GON4L: variants seen among roughly 807,000 people sequenced by gnomAD.
GON4L encodes GON-4-like protein.
A neutral mutation model predicts 211.8 loss-of-function variants in GON4L; 87 were observed. That is an observed-to-expected ratio of 0.41 (90% CI 0.35 to 0.49). GON4L has a LOEUF of 0.49. Ranked by LOEUF, GON4L falls within the 20% of genes least tolerant of loss-of-function variation. The pLI is 0.15. For missense variants in GON4L, 2,155 were observed against 2,659.5 expected, an observed-to-expected ratio of 0.81 and a Z score of 4.17; for synonymous variants, 875 against 962.6, an observed-to-expected ratio of 0.91 and a Z score of 1.68.
downstream of GON4L, chr1:155,746,874 G>A: frequency 1.9e-6 from 3 of 1,596,632 alleles, no homozygotes; most frequent in Non-Finnish European, 2.5e-6. Context: ...GTGCAGAGGT[G>A]AGGGCCTCTG....
intron 10 of GON4L, among the ~76,000 whole-genome samples, chr1:155,805,718 C>A (rs1012606389): frequency 4.7e-5 from 7 of 148,736 alleles, no homozygotes; most frequent in Non-Finnish European, 1.0e-4. Context: ...GAGACATAGT[C>A]TTGCTTTGTT....
chr1:155,777,761 A>G lies in GON4L; in HGVS notation c.1952T>C (p.Phe651Ser), dbSNP rs1198915054. 6.2e-7 allele frequency: 1 copy of G among 1,613,660 alleles called. No homozygotes were observed. Residue 651 changes from phenylalanine to serine, a missense_variant, in exon 15 of 32, where the codon TTT (phenylalanine) becomes TCT (serine). Physicochemically the swap from Phe to Ser is radical, Grantham distance 155. Around this residue, in one of 6 missense-constraint regions of GON4L, gnomAD observed 551 missense variants for 854.0 expected, o/e 0.65. Transcript: ENST00000368331. ...AGATTTCTTCATCTTCAGCTGTTCAAATAGCTCCTTCACTGTCCGATGTTG... is the reference window on the plus strand; with the variant it reads ...AGATTTCTTCATCTTCAGCTGTTCAGATAGCTCCTTCACTGTCCGATGTTG... Reference protein sequence around the residue: ...NEQHRTVKELFEQLKMKKSSA... With the variant: ...NEQHRTVKELSEQLKMKKSSA...
rs1426480179 is a variant in GON4L at position 155,777,683 on chromosome 1, A to T, written c.2030T>A (p.Val677Asp). ...TGGGTCCAGAATCAGAGTCTGATGAACTTTCTCACTCTGGGGTTTAACCTT... is the reference window on the plus strand; with the variant it reads ...TGGGTCCAGAATCAGAGTCTGATGATCTTTCTCACTCTGGGGTTTAACCTT... ...VEKVKPQSEK[V>D]HQTLILDPAQ... Residue 677 changes from valine (V) to aspartate (D), a missense_variant, in exon 15 of 32, where the codon GTT becomes GAT. Coordinates refer to ENST00000368331, the MANE Select transcript of GON4L (RefSeq NM_001282860.2). 1 of 1,613,714 alleles carries T rather than the reference A, an allele frequency of 6.2e-7. No homozygotes were observed. The highest frequency in any genetic ancestry group is 1.7e-5 in the Admixed American group (1 of 60,006).
chr1:155,752,048 C>A lies in GON4L; in HGVS notation c.6385G>T (p.Glu2129Ter). ...SGTQAKGPEG[E>*]QQPKAAEATV... ...GCTTCTGCGGCCTTTGGCTGCTGCTCCCCCTCTGGACCCTTGGCCTGTGTT... is the reference window on the plus strand; with the variant it reads ...GCTTCTGCGGCCTTTGGCTGCTGCTACCCCTCTGGACCCTTGGCCTGTGTT... Residue 2129 changes from glutamate to a stop codon, truncating the protein, a stop_gained, in exon 30 of 32, where the codon GAG becomes TAG. Coordinates refer to ENST00000368331, the MANE Select transcript of GON4L (RefSeq NM_001282860.2). LOFTEE classifies it high-confidence loss of function. 6.2e-7 allele frequency: 1 copy of A among 1,613,722 alleles called. No homozygotes were observed. Among genetic ancestry groups the A allele is most frequent in the Non-Finnish European group, 8.5e-7 (1 of 1,179,664 alleles).
chr1:155,856,068 G>A (rs145827818), intron 1 of GON4L, among the ~76,000 whole-genome samples: 118 of 148,568 alleles, frequency 7.9e-4, no homozygotes, highest in Middle Eastern at 3.5e-3. Flanking sequence ...AGAATAAGCC[G>A]CCTTGTGTTA....
Position 155,763,487 on chromosome 1 carries a change from A to C in GON4L, c.4551T>G (p.Ser1517=). The change falls in exon 22 of 32, where the codon TCT becomes TCG. Residue 1517 remains serine, a synonymous_variant. Coordinates refer to ENST00000368331, the MANE Select transcript of GON4L (RefSeq NM_001282860.2). Reference sequence around the variant, plus strand: ...CTTCTGGCTCAGAGTTCTCCTCCTGAGAATTCTCTTCTTCAGACTCACCCT... The same window carrying C: ...CTTCTGGCTCAGAGTTCTCCTCCTGCGAATTCTCTTCTTCAGACTCACCCT... The part of the protein sequence containing the change: ...SQEGESEEEN[S]QEENSEPEEE... 2 of 1,551,720 alleles carry C rather than the reference A, an allele frequency of 1.3e-6. No individual in the cohort carries two copies. Among genetic ancestry groups the C allele is most frequent in the Non-Finnish European group, 1.7e-6 (2 of 1,147,126 alleles).
intron 3 of GON4L, among the ~76,000 whole-genome samples, chr1:155,823,013 T>C (rs1379713659): frequency 2.0e-5 from 3 of 152,188 alleles, no homozygotes; most frequent in African/African-American, 4.8e-5. Context: ...CAGGCTGGTA[T>C]TGAACTCCCG....
chr1:155,849,269 G>A (rs1416132246), intron 2 of GON4L, among the ~76,000 whole-genome samples: 1 of 151,822 alleles, frequency 6.6e-6, no homozygotes, highest in Non-Finnish European at 1.5e-5. Context: ...AGCAGGGCTG[G>A]GCACGGTGGC....
At chr1:155,784,789 C>A in intron 13 of GON4L, 1 of 186,896 alleles carries the variant, frequency 5.4e-6, no homozygotes, top group Non-Finnish European at 1.1e-5. Flanking sequence ...TCTTTAAGGA[C>A]ACACCAAATG....
intron 12 of GON4L, among the ~76,000 whole-genome samples, chr1:155,785,912 T>C (rs1193559252): frequency 2.0e-5 from 3 of 152,052 alleles, no homozygotes; most frequent in Admixed American, 6.6e-5. Context: ...CTAGCTAACA[T>C]GGTGAAACCC....
intron 18 of GON4L, among the ~76,000 whole-genome samples, chr1:155,771,512 C>A (rs1388237900): frequency 6.6e-6 from 1 of 152,008 alleles, no homozygotes; most frequent in East Asian, 1.9e-4. Context: ...TGCTCTGTTG[C>A]CCGGGTTGGA....
chr1:155,807,566 T>G (rs1185863555), intron 10 of GON4L, among the ~76,000 whole-genome samples: 7 of 151,178 alleles, frequency 4.6e-5, no homozygotes, highest in African/African-American at 1.7e-4. Flanking sequence ...TAGCTGGGCA[T>G]GGTGGCAGGC....
chr1:155,752,148 A>G lies in GON4L; in HGVS notation c.6285T>C (p.His2095=), dbSNP rs1219408000. Residue 2095 remains histidine (H), a synonymous_variant, in exon 30 of 32, where the codon CAT becomes CAC. Coordinates refer to ENST00000368331, the MANE Select transcript of GON4L (RefSeq NM_001282860.2). ...AGGTGTCAATTCCTGATGGAGATTC[A>G]TGGACAGGGCACGTCCTGTCTCTTG... ...VKTRDRTCPV[H]ESPSGIDTSE... 4 of 1,613,338 alleles carry G rather than the reference A, an allele frequency of 2.5e-6. No individual in the cohort carries two copies. In the African/African-American group the frequency reaches 5.3e-5, roughly 22 times the overall value.
intron 3 of GON4L, 143 bp downstream of exon 3, chr1:155,826,694 C>T (rs760941425): frequency 1.0e-4 from 68 of 649,232 alleles, no homozygotes; most frequent in Non-Finnish European, 1.8e-4. Flanking sequence ...CATTCTCTAT[C>T]TTGATCTGGG....
intron 9 of GON4L, 126 bp from the exon 10 acceptor site, chr1:155,813,930 T>C (rs1031759073): frequency 1.4e-6 from 1 of 738,378 alleles, no homozygotes; most frequent in African/African-American, 1.8e-5. Flanking sequence ...TTCTCTTCTC[T>C]AGTTAGAGTT....
At position 155,765,634 on chromosome 1, in the gene GON4L, T is replaced by C. The variant is rs1295626850; in HGVS notation, c.3839A>G (p.Glu1280Gly). Residue 1280 changes from glutamate to glycine, a missense_variant, in exon 21 of 32, where the codon GAA (glutamate) becomes GGA (glycine). By Grantham distance (98) the Glu-to-Gly change is moderately conservative (BLOSUM62 -2). Around this residue, in one of 6 missense-constraint regions of GON4L, gnomAD observed 615 missense variants for 625.7 expected, o/e 0.98. Transcript: ENST00000368331. ...ACAGGCACTATTCTCTGACAATCCT[T>C]CTTGGCACTCTGCATCTGCTAGTGG... is the stretch of plus-strand genomic sequence containing the variant. ...GPPLADAECQEGLSENSACRW... is the reference protein window; with the variant it reads ...GPPLADAECQGGLSENSACRW... 6.2e-7 allele frequency: 1 copy of C among 1,614,062 alleles called. No homozygotes were observed. The highest frequency in any genetic ancestry group is 1.3e-5 in the African/African-American group (1 of 74,920).
At chr1:155,850,985 C>A (rs540793870) in intron 2 of GON4L, among the ~76,000 whole-genome samples, 1 of 127,402 alleles carries the variant, frequency 7.8e-6, no homozygotes, top group African/African-American at 3.0e-5. Context: ...ACCTGGGAGG[C>A]GGAGGTTGCA....
downstream of GON4L, chr1:155,749,298 T>TA: frequency 6.2e-7 from 1 of 1,612,066 alleles, no homozygotes; most frequent in South Asian, 1.1e-5. Context: ...TGCCACAGAC[T>TA]AATGGTGGTT....
At chr1:155,816,093 A>G (rs1320303807) in intron 7 of GON4L, 119 bp downstream of exon 7, 1 of 708,104 alleles carries the variant, frequency 1.4e-6, no homozygotes, top group African/African-American at 1.8e-5. Context: ...AGAATGGAAA[A>G]AAACAAAGCT....
Sources: allele counts gnomAD v4.1 joint callset (sites outside exome capture counted in the v4.1 genomes callset), GRCh38; gene constraint gnomAD v4.1.1; regional missense constraint gnomAD v4.1.1; transcripts MANE v1.5; gene names NCBI Gene and HGNC (gene_info 2026-07-23, HGNC 2026-07-21).